Variants in SYTL2 observed in about 807,000 individuals in gnomAD.
SYTL2 encodes synaptotagmin-like protein 2.
SYTL2 carries 165 observed loss-of-function variants against 198.7 expected under a neutral mutation model. The observed-to-expected ratio is 0.83, with a 90% CI of 0.73 to 0.94. SYTL2 has a LOEUF of 0.94. SYTL2 is among the 40% of genes least tolerant of loss of function. SYTL2 has a pLI of 0.00. For missense variants in SYTL2, 2,835 were observed against 2,582.8 expected, an observed-to-expected ratio of 1.10 and a Z score of -2.12; for synonymous variants, 966 against 917.7, an observed-to-expected ratio of 1.05 and a Z score of -0.95.
intron 1 of SYTL2, among the ~76,000 whole-genome samples, chr11:85,795,877 ACT>A (rs2092797091): frequency 6.6e-6 from 1 of 151,878 alleles, no homozygotes; most frequent in African/African-American, 2.4e-5. Context: ...GAAGGCTGCC[ACT>A]CTGGAAATCC....
At chr11:85,757,025 G>A (rs1053324168) in intron 2 of SYTL2, among the ~76,000 whole-genome samples, 3 of 152,200 alleles carry the variant, frequency 2.0e-5, no homozygotes, top group African/African-American at 7.2e-5. Context: ...GACAACAAAG[G>A]TGAATGAAAG....
chr11:85,708,200 A>C, intron 14 of SYTL2: 1 of 408,264 alleles, frequency 2.4e-6, no homozygotes, highest in Non-Finnish European at 4.8e-6. Flanking sequence ...CATAGAGCTT[A>C]AATCTGTTTG....
At position 85,704,936 on chromosome 11, in the gene SYTL2, C is replaced by G; in HGVS notation, c.6111G>C (p.Glu2037Asp). 6.2e-7 allele frequency: 1 copy of G among 1,613,650 alleles called. No individual in the cohort carries two copies. Among genetic ancestry groups the G allele is most frequent in the Non-Finnish European group, 8.5e-7 (1 of 1,179,660 alleles). Residue 2037 changes from glutamate to aspartate, a missense_variant, in exon 16 of 20, where the codon GAG becomes GAC. This residue lies in a region of SYTL2 where 2,645 missense variants were observed against 2,381.7 expected (regional missense o/e 1.11). Transcript: ENST00000359152. ...DTFKRNSFLGEVELDLETWDW... is the reference protein window; with the variant it reads ...DTFKRNSFLGDVELDLETWDW... The stretch of plus-strand genomic sequence containing the variant: ...CCCATGTTTCCAAATCAAGTTCCAC[C>G]TCCCCTAGGAAACTATTGCGCTTAA...
intron 2 of SYTL2, among the ~76,000 whole-genome samples, chr11:85,755,834 T>C (rs1039678102): frequency 6.6e-6 from 1 of 152,080 alleles, no homozygotes; most frequent in Non-Finnish European, 1.5e-5. Context: ...AGGGGCAGAA[T>C]TGCAGACCAT....
At chr11:85,719,651 G>A (rs941519937) in intron 9 of SYTL2, among the ~76,000 whole-genome samples, 3 of 152,122 alleles carry the variant, frequency 2.0e-5, no homozygotes, top group African/African-American at 7.2e-5. Flanking sequence ...GGAGGCTTTA[G>A]AGAGAATTCC....
chr11:85,729,969 A>G (rs1450446571), intron 7 of SYTL2, among the ~76,000 whole-genome samples: 1 of 152,230 alleles, frequency 6.6e-6, no homozygotes, highest in African/African-American at 2.4e-5. Flanking sequence ...AAACACTTCT[A>G]TGCAAACAAA....
chr11:85,851,298 T>C, the SYTL2 span, among the ~76,000 whole-genome samples: 1 of 152,244 alleles, frequency 6.6e-6, no homozygotes, highest in African/African-American at 2.4e-5. Context: ...ATTTTCTATT[T>C]CTCAAAAGTA....
intron 2 of SYTL2, among the ~76,000 whole-genome samples, chr11:85,757,240 A>AT (rs1443241650): frequency 1.8e-3 from 151 of 82,896 alleles, no homozygotes; most frequent in African/African-American, 5.9e-3. Flanking sequence ...AAATTCTAAA[A>AT]ATTTTTTAAA....
chr11:85,771,954 G>A (rs2092363498), intron 1 of SYTL2, among the ~76,000 whole-genome samples: 1 of 152,122 alleles, frequency 6.6e-6, no homozygotes, highest in Non-Finnish European at 1.5e-5. Flanking sequence ...CCAGGCTAGA[G>A]TGCAGTGGCA....
At chr11:85,846,452 G>C in the SYTL2 span, among the ~76,000 whole-genome samples, 1 of 149,460 alleles carries the variant, frequency 6.7e-6, no homozygotes, top group Admixed American at 6.6e-5. Context: ...TTTTGAGACA[G>C]AGTTTTGCTC....
intron 5 of SYTL2, among the ~76,000 whole-genome samples, chr11:85,737,101 C>T (rs2090406920): frequency 6.6e-6 from 1 of 152,108 alleles, no homozygotes; most frequent in African/African-American, 2.4e-5. Flanking sequence ...TTATTATTAT[C>T]ATCAATTCTA....
intron 1 of SYTL2, among the ~76,000 whole-genome samples, chr11:85,783,526 A>T (rs1200039635): frequency 1.3e-5 from 2 of 152,212 alleles, no homozygotes; most frequent in African/African-American, 4.8e-5. Context: ...GGTATATAGC[A>T]AACTAGGCAA....
chr11:85,745,120 T>A (rs2091060951), intron 4 of SYTL2, among the ~76,000 whole-genome samples: 1 of 152,216 alleles, frequency 6.6e-6, no homozygotes, highest in East Asian at 1.9e-4. Flanking sequence ...ATATTATTGT[T>A]CCTAGCTATA....
intron 1 of SYTL2, among the ~76,000 whole-genome samples, chr11:85,767,067 G>T (rs192292664): frequency 2.9e-4 from 32 of 111,048 alleles, no homozygotes; most frequent in Non-Finnish European, 5.2e-4. Flanking sequence ...ACATGATGTG[G>T]ATACACAGCA....
intron 4 of SYTL2, among the ~76,000 whole-genome samples, chr11:85,739,766 C>T (rs1430098197): frequency 1.3e-5 from 2 of 152,074 alleles, no homozygotes; most frequent in African/African-American, 2.4e-5. Context: ...CTTGATGTTA[C>T]AAAATTGGCA....
the SYTL2 span, among the ~76,000 whole-genome samples, chr11:85,827,219 C>T: frequency 6.6e-5 from 10 of 152,198 alleles, no homozygotes; most frequent in Admixed American, 3.9e-4. Flanking sequence ...AGTTGGATCC[C>T]AGAGCCATTC....
chr11:85,852,401 CCA>C, the SYTL2 span, among the ~76,000 whole-genome samples: 1 of 152,142 alleles, frequency 6.6e-6, no homozygotes, highest in East Asian at 1.9e-4. Flanking sequence ...CCCTCTCTAT[CCA>C]CAGTCTCCCT....
Position 85,726,526 on chromosome 11 carries a change from T to C in SYTL2, c.2832A>G (p.Pro944=). The part of the protein sequence containing the change: ...PSNVGSERHA[P]LEKDRPLVRE... ...GAACTAGAGGTCTGTCTTTCTCCAATGGAGCATGTCGTTCACTCCCGACAT... is the reference window on the plus strand; with the variant it reads ...GAACTAGAGGTCTGTCTTTCTCCAACGGAGCATGTCGTTCACTCCCGACAT... The change falls in exon 8 of 20, where the codon CCA becomes CCG. Residue 944 remains proline (P), a synonymous_variant. Transcript: ENST00000359152. The C allele has an allele frequency of 6.2e-7, 1 of 1,603,422 alleles. No individual in the cohort carries two copies. The highest frequency in any genetic ancestry group is 8.5e-7 in the Non-Finnish European group (1 of 1,179,768).
chr11:85,719,477 G>A (rs1480997362), intron 9 of SYTL2: 2 of 286,878 alleles, frequency 7.0e-6, no homozygotes, highest in Non-Finnish European at 1.1e-5. Context: ...CAGGCAAGAG[G>A]TTTGCTAAAT....
Sources: gnomAD v4.1 joint callset for allele counts (sites outside exome capture counted in the v4.1 genomes callset) on GRCh38, gnomAD v4.1.1 for gene constraint, gnomAD v4.1.1 regional missense constraint, MANE v1.5 for transcripts, NCBI Gene and HGNC (gene_info 2026-07-23, HGNC 2026-07-21) for gene names.